MAP4K5: variants seen among roughly 807,000 people sequenced by gnomAD.
MAP4K5 encodes the protein MAPK/ERK kinase kinase kinase 5.
A neutral mutation model predicts 135.6 loss-of-function variants in MAP4K5; 82 were observed. That is an observed-to-expected ratio of 0.60 (90% CI 0.51 to 0.73). The LOEUF is 0.73. Ranked by LOEUF, MAP4K5 falls within the 30% of genes least tolerant of loss-of-function variation. The pLI is 0.00. For synonymous variants in MAP4K5, 347 were observed against 335.0 expected, an observed-to-expected ratio of 1.04 and a Z score of -0.39; for missense variants, 907 against 1,010.9, an observed-to-expected ratio of 0.90 and a Z score of 1.39.
chr14:50,475,689 A>C (rs1038284884), intron 8 of MAP4K5, among the ~76,000 whole-genome samples: 1 of 152,144 alleles, frequency 6.6e-6, no homozygotes, highest in African/African-American at 2.4e-5. Flanking sequence ...CCTGAATGAC[A>C]GAGTGAGACC....
intron 9 of MAP4K5, among the ~76,000 whole-genome samples, chr14:50,474,201 T>G (rs113557602): frequency 3.3e-5 from 5 of 152,058 alleles, no homozygotes; most frequent in Non-Finnish European, 5.9e-5. Context: ...CCCAGGAGTT[T>G]TAGCTGAAAC....
At chr14:50,475,214 G>A (rs925858669) in intron 8 of MAP4K5, 65 bp from the exon 9 acceptor site, 10 of 1,211,616 alleles carry the variant, frequency 8.3e-6, no homozygotes, top group Admixed American at 5.3e-5. Context: ...TTTTACTTTC[G>A]CCCTTAGGCA....
intron 3 of MAP4K5, among the ~76,000 whole-genome samples, chr14:50,498,570 G>A (rs1452020448): frequency 6.6e-6 from 1 of 152,118 alleles, no homozygotes; most frequent in Non-Finnish European, 1.5e-5. Context: ...CTATTAGGAA[G>A]ACCTTCAAAA....
At chr14:50,426,115 A>G (rs910645423) in intron 30 of MAP4K5, 138 bp from the exon 31 acceptor site, 1 of 479,144 alleles carries the variant, frequency 2.1e-6, no homozygotes, top group Non-Finnish European at 3.7e-6. Context: ...ACGATTTCTC[A>G]ACATTTTTGT....
chr14:50,559,978 G>C, intron 1 of MAP4K5: 1 of 487,204 alleles, frequency 2.1e-6, no homozygotes, highest in Non-Finnish European at 3.7e-6. Context: ...AAAATGTTGC[G>C]GTACGTGGTC....
At position 50,440,089 on chromosome 14, in the gene MAP4K5, T is replaced by C. The variant is rs777356960; in HGVS notation, c.1645-16A>G. On this transcript the variant is annotated splice_polypyrimidine_tract_variant and intron_variant, in intron 22 of 32. Transcript: ENST00000682126. ...GTGGAAATAACTAAGAAAAAGAAGA[T>C]AATTAAGATTCTCTCATTGTCATTA... is the stretch of plus-strand genomic sequence containing the variant. 4 of 1,361,500 alleles carry C rather than the reference T, an allele frequency of 2.9e-6. No homozygotes were observed. The highest frequency in any genetic ancestry group is 2.9e-5 in the African/African-American group (2 of 67,968). 84.3% of individuals were successfully genotyped at this position (1,361,500 alleles called of 1,614,324 possible). A position where few individuals can be genotyped will look rare whatever the true frequency, so the allele number is the denominator to read the frequency against.
chr14:50,440,583 CCTT>C, intron 21 of MAP4K5, 142 bp from the exon 22 acceptor site: 1 of 534,564 alleles, frequency 1.9e-6, no homozygotes, highest in Non-Finnish European at 3.3e-6. Context: ...ATTTGTATCA[CCTT>C]CTTTACCTCT....
intron 1 of MAP4K5, among the ~76,000 whole-genome samples, chr14:50,547,030 G>T (rs1217069441): frequency 1.3e-5 from 2 of 152,066 alleles, no homozygotes; most frequent in Non-Finnish European, 2.9e-5. Flanking sequence ...TCACTCATAA[G>T]TGGGAGTTGA....
At chr14:50,496,197 G>T (rs893842946) in intron 3 of MAP4K5, among the ~76,000 whole-genome samples, 1 of 151,716 alleles carries the variant, frequency 6.6e-6, no homozygotes, top group Non-Finnish European at 1.5e-5. Context: ...GTCGTGGTGG[G>T]AGCCTGTAAT....
intron 30 of MAP4K5, 40 bp downstream of exon 30, chr14:50,428,619 CATT>C: frequency 9.4e-7 from 1 of 1,059,934 alleles, no homozygotes; most frequent in Middle Eastern, 2.3e-4. Context: ...TTTTAATAAT[CATT>C]AAGTATCGCA....
chr14:50,534,152 G>T (rs1340862658), upstream of MAP4K5, among the ~76,000 whole-genome samples: 1 of 152,198 alleles, frequency 6.6e-6, no homozygotes, highest in African/African-American at 2.4e-5. Flanking sequence ...TATAAGCACT[G>T]ATCCTTTATC....
rs1401827984 is a variant in MAP4K5, at chr14:50,531,999, C to A, written c.51G>T (p.Gln17His). 6.2e-7 allele frequency: 1 copy of A among 1,600,808 alleles called. No homozygotes were observed. The highest frequency in any genetic ancestry group is 2.3e-5 in the East Asian group (1 of 44,010). The change falls in exon 2 of 33, where the codon CAG (glutamine) becomes CAT (histidine). Residue 17 changes from glutamine to histidine, a missense_variant. This residue lies in a region of MAP4K5 where 196 missense variants were observed against 189.3 expected (regional missense o/e 1.04). Transcript: ENST00000682126. ...PAADILRRNP[Q>H]QDYELVQRVG... is the part of the protein sequence containing the mutation. ...CCCTCTGGACGAGTTCGTAGTCCTG[C>A]TGCGGGTTCCGCCTCAGGATGTCCG...
intron 1 of MAP4K5, 26 bp from the exon 2 acceptor site, chr14:50,532,184 G>A (rs1269491032): frequency 3.2e-6 from 2 of 621,880 alleles, no homozygotes; most frequent in Non-Finnish European, 5.5e-6. Context: ...GCAAAGGCTG[G>A]TTGGCGTCGC....
rs758787098 is a variant in MAP4K5 at position 50,437,987 on chromosome 14, G to C, written c.1730C>G (p.Ser577Cys). ...TTCAAACAAAGCTATAAGATTGTGA[G>C]AGTAGAGCTGAAAGGTTTTTCCTAT... ...LSEGKTFQLY[S>C]HNLIALFEHA... Residue 577 changes from serine (S) to cysteine (C), a missense_variant, in exon 25 of 33, where the codon TCT becomes TGT. By Grantham distance (112) the Ser-to-Cys change is moderately radical (BLOSUM62 -1). This residue lies in a region of MAP4K5 where 690 missense variants were observed against 777.4 expected (regional missense o/e 0.89). Transcript: ENST00000682126. 1.2e-6 allele frequency: 2 copies of C among 1,606,166 alleles called. No homozygotes were observed. The highest frequency in any genetic ancestry group is 1.7e-6 in the Non-Finnish European group (2 of 1,173,156).
intron 2 of MAP4K5, among the ~76,000 whole-genome samples, chr14:50,523,936 C>G (rs527499563): frequency 4.6e-5 from 7 of 152,272 alleles, no homozygotes; most frequent in African/African-American, 1.7e-4. Context: ...CGCAGTGGAA[C>G]AACTAGGACT....
intron 4 of MAP4K5, 94 bp downstream of exon 4, chr14:50,486,010 A>G: frequency 1.6e-6 from 1 of 632,698 alleles, no homozygotes; most frequent in Non-Finnish European, 2.8e-6. Context: ...GTTTAAAAAC[A>G]TACAAATATA....
chr14:50,511,504 A>G (rs2037929001), intron 2 of MAP4K5, among the ~76,000 whole-genome samples: 2 of 152,196 alleles, frequency 1.3e-5, no homozygotes, highest in African/African-American at 4.8e-5. Context: ...CTACTACTAC[A>G]GGATAGCTAT....
In MAP4K5 at chr14:50,437,790, T is replaced by C. The variant is rs113704138; in HGVS notation, c.1823+104A>G. The stretch of plus-strand genomic sequence containing the variant: ...ATAATACACTTTAGTTTAAACTACC[T>C]TTGAAAATTAAGACATAGTTTTTTA... On this transcript the variant is annotated intron_variant, in intron 25 of 32. Coordinates refer to ENST00000682126, the MANE Select transcript of MAP4K5 (RefSeq NM_006575.6). 1.7e-5 allele frequency: 14 copies of C among 805,124 alleles called. 1 individual carries two copies. The highest frequency in any genetic ancestry group is 1.2e-4 in the African/African-American group (7 of 57,850). 49.9% of individuals were successfully genotyped at this position (805,124 alleles called of 1,614,324 possible).
chr14:50,560,216 G>A (rs780589480), intron 1 of MAP4K5: 52 of 1,610,036 alleles, frequency 3.2e-5, no homozygotes, highest in Middle Eastern at 3.3e-4. Context: ...CCCCGGAGAA[G>A]GCAGCGAGCG....
Sources: allele counts gnomAD v4.1 joint callset (sites outside exome capture counted in the v4.1 genomes callset), GRCh38; gene constraint gnomAD v4.1.1; regional missense constraint gnomAD v4.1.1; transcripts MANE v1.5; gene names NCBI Gene and HGNC (gene_info 2026-07-23, HGNC 2026-07-21).